Variants in OPHN1 observed in about 807,000 individuals in gnomAD.
OPHN1 encodes oligophrenin 1, also known as oligophrenin-1.
A neutral mutation model predicts 60.7 loss-of-function variants in OPHN1; 11 were observed. The ratio of observed to expected loss-of-function variants is 0.18; its 90% CI spans 0.11 to 0.30. OPHN1 has a LOEUF of 0.30. Ranked by LOEUF, OPHN1 falls within the 10% of genes least tolerant of loss-of-function variation. The pLI, the probability that OPHN1 is intolerant of heterozygous loss-of-function variation, is 1.00. For synonymous variants in OPHN1, 226 were observed against 222.6 expected (o/e 1.02, Z -0.14); for missense variants, 449 against 611.0 (o/e 0.73, Z 2.80).
rs1381218736 is a variant in OPHN1, at chrX:68,399,505, T to A, written c.154+33362A>T. On this transcript the variant is annotated intron_variant, in intron 2 of 24. Coordinates refer to ENST00000355520, the MANE Select transcript of OPHN1 (RefSeq NM_002547.3). ...GTCTCTACTAAAATTACAAAATAAA[T>A]AAATAAATAAAAATTAGCTGGGCGT... Among the ~76,000 whole-genome samples, 3 of 110,196 alleles carry A rather than the reference T, an allele frequency of 2.7e-5. No individual in the cohort carries two copies. In the East Asian group the frequency reaches 8.6e-4, roughly 31 times the overall value.
chrX:68,044,373 T>C lies in OPHN1; in HGVS notation c.*2799A>G, dbSNP rs2076825866. 1 of 112,819 alleles carries C rather than the reference T, an allele frequency of 8.9e-6. No individual in the cohort carries two copies. Among genetic ancestry groups the C allele is most frequent in the African/African-American group, 3.2e-5 (1 of 31,140 alleles). The allele number at this position is 112,819 out of a possible 1,213,427, so 9.3% of individuals were successfully genotyped here. On this transcript the variant is annotated 3_prime_UTR_variant, in exon 25 of 25. Coordinates refer to ENST00000355520, the MANE Select transcript of OPHN1 (RefSeq NM_002547.3). ...TTGTTTACTTTAGCCCCCTGGGCCA[T>C]AATTTCTTTCTCTGTAAAATGAGAA...
chrX:68,154,482 C>T (rs937795203), intron 15 of OPHN1, among the ~76,000 whole-genome samples: 1 of 112,287 alleles, frequency 8.9e-6, no homozygotes, highest in Non-Finnish European at 1.9e-5. Context: ...TCGATTCTTC[C>T]TCATCTCTCT....
intron 15 of OPHN1, among the ~76,000 whole-genome samples, chrX:68,154,292 G>T (rs1290998637): frequency 8.9e-6 from 1 of 112,335 alleles, no homozygotes; most frequent in African/African-American, 3.2e-5. Context: ...CTAGCAGATG[G>T]CAGGGACAAG....
At chrX:68,311,430 CTTTG>C (rs996194846) in intron 2 of OPHN1, among the ~76,000 whole-genome samples, 17 of 111,852 alleles carry the variant, frequency 1.5e-4, no homozygotes, top group Non-Finnish European at 2.6e-4. Context: ...AAAGGTATGT[CTTTG>C]TTTGTTTGTT....
At chrX:68,258,438 T>C (rs922631282) in intron 5 of OPHN1, among the ~76,000 whole-genome samples, 5 of 59,646 alleles carry the variant, frequency 8.4e-5, no homozygotes, top group South Asian at 2.9e-3. Flanking sequence ...AACAGGCCCC[T>C]GTGTGTGATG....
chrX:68,170,680 A>C (rs765480294), intron 15 of OPHN1, among the ~76,000 whole-genome samples: 7 of 106,236 alleles, frequency 6.6e-5, no homozygotes, highest in Non-Finnish European at 1.4e-4. Flanking sequence ...CTATCGCAAG[A>C]ACAAAAAAAC....
At chrX:68,060,118 C>A (rs2076887759) in intron 21 of OPHN1, among the ~76,000 whole-genome samples, 1 of 111,491 alleles carries the variant, frequency 9.0e-6, no homozygotes, top group South Asian at 3.8e-4. Context: ...AATCCCTTTG[C>A]GGTAGCTACA....
At chrX:68,145,271 C>A (rs1033919839) in intron 15 of OPHN1, among the ~76,000 whole-genome samples, 2 of 111,646 alleles carry the variant, frequency 1.8e-5, no homozygotes, top group Non-Finnish European at 3.8e-5. Context: ...CAGCTTACAT[C>A]TTGGTTATCA....
chrX:68,315,663 A>G lies in OPHN1; in HGVS notation c.155-16567T>C, dbSNP rs2078195801. Among the ~76,000 whole-genome samples the G allele has an allele frequency of 2.7e-5, 3 of 111,875 alleles. No homozygotes were observed. The South Asian group carries it at 1.1e-3, about 41-fold the overall frequency. ...ATGACATGAACTTAACATGCAGAAAATCCCTAAAATTCACAAAAAATATTA... is the reference window on the plus strand; with the variant it reads ...ATGACATGAACTTAACATGCAGAAAGTCCCTAAAATTCACAAAAAATATTA... On this transcript the variant is annotated intron_variant, in intron 2 of 24. Coordinates refer to ENST00000355520, the MANE Select transcript of OPHN1 (RefSeq NM_002547.3).
chrX:68,223,529 G>C (rs1244195242), intron 6 of OPHN1, among the ~76,000 whole-genome samples: 1 of 111,292 alleles, frequency 9.0e-6, no homozygotes, highest in Admixed American at 9.6e-5. Flanking sequence ...GTGGTATAAT[G>C]GACATTGGAG....
chrX:68,076,987 T>C (rs920055631), intron 19 of OPHN1, among the ~76,000 whole-genome samples: 3 of 111,736 alleles, frequency 2.7e-5, no homozygotes, highest in Non-Finnish European at 5.6e-5. Context: ...GTGGTTGCCT[T>C]AGGTGAAGAG....
rs755861789 is a variant in OPHN1 at position 68,068,115 on chromosome X, C to A, written c.1835-3938G>T. ...GCTAGAATAAATAAGACAGACTATA[C>A]AAAGTATTGGTGAGGATGTGGTGAA... On this transcript the variant is annotated intron_variant, in intron 20 of 24. Transcript: ENST00000355520. Among the ~76,000 whole-genome samples the A allele has an allele frequency of 2.7e-4, 30 of 111,130 alleles. No homozygotes were observed. The South Asian group carries it at 5.0e-3, about 19-fold the overall frequency.
chrX:68,173,718 A>T (rs1290904747), intron 15 of OPHN1, among the ~76,000 whole-genome samples: 1 of 111,455 alleles, frequency 9.0e-6, no homozygotes. Flanking sequence ...CAAATATGGT[A>T]CATTAATGAC....
intron 18 of OPHN1, among the ~76,000 whole-genome samples, chrX:68,099,002 C>A (rs2077048027): frequency 9.0e-6 from 1 of 111,282 alleles, no homozygotes. Context: ...CATCCCACTG[C>A]CTGCTTGTCT....
chrX:68,055,434 A>C (rs768108100), intron 21 of OPHN1, among the ~76,000 whole-genome samples: 1 of 112,520 alleles, frequency 8.9e-6, no homozygotes, highest in Admixed American at 9.4e-5. Context: ...AATGGTGATC[A>C]TTAAAAAGTC....
At chrX:68,185,754 G>C (rs2077459668) in intron 15 of OPHN1, among the ~76,000 whole-genome samples, 1 of 110,443 alleles carries the variant, frequency 9.1e-6, no homozygotes, top group Non-Finnish European at 1.9e-5. Context: ...ATCAGTGAAT[G>C]AGAGAGAGAG....
intron 2 of OPHN1, among the ~76,000 whole-genome samples, chrX:68,352,448 A>C (rs182498793): frequency 8.5e-4 from 94 of 110,529 alleles, no homozygotes; most frequent in Non-Finnish European, 3.2e-4. Flanking sequence ...TTGATCCCAA[A>C]GCCCAATGAT....
chrX:68,200,196 G>A (rs1398753514), intron 11 of OPHN1, among the ~76,000 whole-genome samples: 1 of 111,700 alleles, frequency 9.0e-6, no homozygotes, highest in Non-Finnish European at 1.9e-5. Flanking sequence ...TGGGGGGGGT[G>A]TAGATTAAAT....
intron 2 of OPHN1, among the ~76,000 whole-genome samples, chrX:68,317,374 A>AG (rs1193415391): frequency 5.3e-4 from 41 of 77,776 alleles, no homozygotes; most frequent in African/African-American, 1.4e-3. Context: ...AAAGAAAGAA[A>AG]GAAAGGAAGG....
Sources: gnomAD v4.1 joint callset for allele counts (sites outside exome capture counted in the v4.1 genomes callset) on GRCh38, gnomAD v4.1.1 for gene constraint, MANE v1.5 for transcripts, NCBI Gene and HGNC (gene_info 2026-07-23, HGNC 2026-07-21) for gene names.